PIK3C2G: variants seen among roughly 807,000 people sequenced by gnomAD.
PIK3C2G encodes phosphatidylinositol-4-phosphate 3-kinase catalytic subunit type 2 gamma, also known as phosphatidylinositol 3-kinase C2 domain-containing subunit gamma.
In PIK3C2G, 168 loss-of-function variants were observed where a neutral mutation model predicts 181.1. The ratio of observed to expected loss-of-function variants is 0.93; its 90% CI spans 0.82 to 1.05. PIK3C2G has a LOEUF of 1.05. Among genes scored for constraint, PIK3C2G ranks in the 50% least tolerant of loss-of-function variants. The probability of loss-of-function intolerance (pLI) is 0.00; values close to 1 mark genes in which losing one functional copy is unlikely to be tolerated. For synonymous variants in PIK3C2G, 573 were observed against 592.2 expected, an observed-to-expected ratio of 0.97 and a Z score of 0.47; for missense variants, 1,869 against 1,732.8, an observed-to-expected ratio of 1.08 and a Z score of -1.40.
the PIK3C2G span, chr12:18,723,426 C>T: frequency 6.2e-7 from 1 of 1,612,936 alleles, no homozygotes. Flanking sequence ...AAAGAATTTT[C>T]CGGTTTTCAG....
At chr12:18,318,548 C>G (rs1296144065) in intron 6 of PIK3C2G, among the ~76,000 whole-genome samples, 1 of 151,784 alleles carries the variant, frequency 6.6e-6, no homozygotes, top group Admixed American at 6.6e-5. Flanking sequence ...CATTTATGAA[C>G]AATTATAATC....
intron 18 of PIK3C2G, among the ~76,000 whole-genome samples, chr12:18,463,551 C>T (rs1158654400): frequency 1.3e-5 from 2 of 152,164 alleles, no homozygotes; most frequent in African/African-American, 2.4e-5. Flanking sequence ...CAGTGGACTG[C>T]ATCAGCGATT....
chr12:18,530,307 C>T (rs1191969603), intron 24 of PIK3C2G, among the ~76,000 whole-genome samples: 1 of 152,156 alleles, frequency 6.6e-6, no homozygotes, highest in East Asian at 1.9e-4. Flanking sequence ...TGCTTTGAAG[C>T]CATTCTCCTC....
chr12:18,683,534 C>G, the PIK3C2G span: 6 of 1,510,544 alleles, frequency 4.0e-6, no homozygotes, highest in Non-Finnish European at 5.3e-6. Flanking sequence ...ACTGAATACA[C>G]AGCTCATACT....
intron 26 of PIK3C2G, among the ~76,000 whole-genome samples, chr12:18,559,829 G>A (rs1354675324): frequency 1.8e-5 from 1 of 54,608 alleles, no homozygotes; most frequent in Non-Finnish European, 3.7e-5. Context: ...TATAGAGAGA[G>A]AGAGAGAGAG....
At chr12:18,692,935 C>T in the PIK3C2G span, 5,722 of 1,538,642 alleles carry the variant, frequency 3.7e-3, 203 homozygotes, top group African/African-American at 0.069. Context: ...CCACTGGTGA[C>T]ACCTCACACT....
chr12:18,397,048 G>A (rs1223315831), intron 15 of PIK3C2G, among the ~76,000 whole-genome samples: 1 of 151,858 alleles, frequency 6.6e-6, no homozygotes, highest in Non-Finnish European at 1.5e-5. Context: ...TTAAGATAAT[G>A]TGATATTGCT....
At chr12:18,683,666 T>C in the PIK3C2G span, 1 of 1,292,494 alleles carries the variant, frequency 7.7e-7, no homozygotes, top group Non-Finnish European at 1.0e-6. Flanking sequence ...GACAAGGTAA[T>C]TGGGAGCACA....
intron 18 of PIK3C2G, among the ~76,000 whole-genome samples, chr12:18,481,840 A>T (rs909515094): frequency 1.3e-5 from 2 of 152,122 alleles, no homozygotes; most frequent in Non-Finnish European, 2.9e-5. Flanking sequence ...GATCCCCCTT[A>T]TTCGGCATCT....
intron 22 of PIK3C2G, among the ~76,000 whole-genome samples, chr12:18,500,241 C>T (rs935259938): frequency 5.9e-5 from 9 of 151,756 alleles, no homozygotes; most frequent in Non-Finnish European, 1.2e-4. Context: ...GCACTCGGAG[C>T]GGCCGGCCGG....
At chr12:18,254,022 AAG>A (rs1491139692) in intron 1 of PIK3C2G, among the ~76,000 whole-genome samples, 9 of 123,578 alleles carry the variant, frequency 7.3e-5, no homozygotes, top group South Asian at 3.1e-4. Flanking sequence ...AAGAAAAAAA[AAG>A]ATGCATCCTA....
chr12:18,522,264 T>A (rs1942969042), intron 24 of PIK3C2G, among the ~76,000 whole-genome samples: 1 of 152,256 alleles, frequency 6.6e-6, no homozygotes, highest in Non-Finnish European at 1.5e-5. Flanking sequence ...CTTCTAACTC[T>A]CTAAAACTGC....
At chr12:18,284,823 A>C (rs1591825261) in intron 2 of PIK3C2G, among the ~76,000 whole-genome samples, 1 of 152,202 alleles carries the variant, frequency 6.6e-6, no homozygotes, top group Admixed American at 6.6e-5. Context: ...GAAATTAGCC[A>C]AACTGAAGTA....
At chr12:18,622,248 ACT>A (rs1395808481) in intron 31 of PIK3C2G, among the ~76,000 whole-genome samples, 1 of 151,484 alleles carries the variant, frequency 6.6e-6, no homozygotes, top group East Asian at 1.9e-4. Context: ...CTGCCATTCT[ACT>A]CTCTGTTTCT....
At chr12:18,326,718 T>TA (rs1299445298) in intron 8 of PIK3C2G, among the ~76,000 whole-genome samples, 2 of 152,168 alleles carry the variant, frequency 1.3e-5, no homozygotes, top group East Asian at 3.9e-4. Flanking sequence ...TTAGTACCTC[T>TA]AATCAGCCTT....
At chr12:18,677,544 C>T in the PIK3C2G span, among the ~76,000 whole-genome samples, 2 of 151,902 alleles carry the variant, frequency 1.3e-5, no homozygotes, top group Admixed American at 6.6e-5. Flanking sequence ...TAAAATGTCC[C>T]CTATGCTGTT....
chr12:18,701,687 C>G, the PIK3C2G span: 1 of 1,612,782 alleles, frequency 6.2e-7, no homozygotes, highest in South Asian at 1.1e-5. Context: ...ATTCCTCCAC[C>G]TTACCACGCT....
In PIK3C2G at chr12:18,282,012, C is replaced by A. The variant is rs933055989; in HGVS notation, c.-70C>A. On this transcript the variant is annotated 5_prime_UTR_variant, in exon 2 of 33. Transcript: ENST00000538779. ...TTTTATGCTTTTTCTAGGAAAATTT[C>A]TATCTTCTTTTGTATTATCAAGGAG... 5 of 879,570 alleles carry A rather than the reference C, an allele frequency of 5.7e-6. No individual in the cohort carries two copies. The highest frequency in any genetic ancestry group is 8.6e-6 in the Non-Finnish European group (5 of 581,686). The allele number at this position is 879,570 out of a possible 1,614,324, so 54.5% of individuals were successfully genotyped here. A position where few individuals can be genotyped will look rare whatever the true frequency, so the allele number is the denominator to read the frequency against.
Position 18,569,583 on chromosome 12 carries a change from T to TA in PIK3C2G, c.4011+2527dup, listed in dbSNP as rs1217616493. Among the ~76,000 whole-genome samples, 9 of 152,314 alleles carry TA rather than the reference T, an allele frequency of 5.9e-5. 2 individuals are homozygous for TA. Among genetic ancestry groups the TA allele is most frequent in the Admixed American group, 5.9e-4 (9 of 15,292 alleles). On this transcript the variant is annotated intron_variant, in intron 29 of 32. Coordinates refer to ENST00000538779, the MANE Select transcript of PIK3C2G (RefSeq NM_001288772.2). ...TTGGGGCTATTACAAACCATACTGT[T>TA]ATGAACATTCTTTCACATGCATGAC...
Sources: allele counts gnomAD v4.1 joint callset (sites outside exome capture counted in the v4.1 genomes callset), GRCh38; gene constraint gnomAD v4.1.1; transcripts MANE v1.5; gene names NCBI Gene and HGNC (gene_info 2026-07-23, HGNC 2026-07-21).